LIMS2: variants seen among roughly 807,000 people sequenced by gnomAD.
The protein encoded by LIMS2 is LIM zinc finger domain containing 2, also known as LIM and senescent cell antigen-like-containing domain protein 2.
A neutral mutation model predicts 45.3 loss-of-function variants in LIMS2; 30 were observed. The ratio of observed to expected loss-of-function variants is 0.66; its 90% CI spans 0.50 to 0.90. The LOEUF (loss-of-function observed/expected upper bound fraction) is 0.90. Among genes scored for constraint, LIMS2 ranks in the 40% least tolerant of loss-of-function variants. LIMS2 has a pLI of 0.00. For synonymous variants in LIMS2, 173 were observed against 188.0 expected (o/e 0.92, Z 0.65); for missense variants, 485 against 468.7 (o/e 1.03, Z -0.32).
In LIMS2 at chr2:127,638,827, C is replaced by G; in HGVS notation, c.*454G>C. 5.7e-6 allele frequency: 1 copy of G among 175,754 alleles called. No individual in the cohort carries two copies. The highest frequency in any genetic ancestry group is 5.6e-5 in the Admixed American group (1 of 17,704). 10.9% of individuals were successfully genotyped at this position (175,754 alleles called of 1,614,324 possible). A position where few individuals can be genotyped will look rare whatever the true frequency, so the allele number is the denominator to read the frequency against. ...AGGCCTCCATCTGCATGGCCCTGGC[C>G]CTGTGGCTCCAGCAGGCTGCCCTGG... On this transcript the variant is annotated 3_prime_UTR_variant, in exon 10 of 10. Coordinates refer to ENST00000355119, the MANE Select transcript of LIMS2 (RefSeq NM_001161403.3).
chr2:127,664,434 G>T lies in LIMS2; in HGVS notation c.12-6872C>A, dbSNP rs1684885254. On this transcript the variant is annotated intron_variant, in intron 1 of 9. Coordinates refer to ENST00000355119, the MANE Select transcript of LIMS2 (RefSeq NM_001161403.3). The surrounding 1 kb of genome is among the most constrained non-coding windows in gnomAD (Gnocchi z 5.5). ...AGGTCGCGGGCGCGGGCCGCCTGGTGCAGGGGCTATGGGACCACCTCGGAG... is the reference window on the plus strand; with the variant it reads ...AGGTCGCGGGCGCGGGCCGCCTGGTTCAGGGGCTATGGGACCACCTCGGAG... The T allele has an allele frequency of 6.7e-6, 8 of 1,190,674 alleles. No individual in the cohort carries two copies. In the East Asian group the frequency reaches 2.9e-4, roughly 43 times the overall value. 73.8% of individuals were successfully genotyped at this position (1,190,674 alleles called of 1,614,324 possible). A position where few individuals can be genotyped will look rare whatever the true frequency, so the allele number is the denominator to read the frequency against.
At chr2:127,645,580 C>T (rs1216750238) in intron 4 of LIMS2, among the ~76,000 whole-genome samples, 1 of 152,212 alleles carries the variant, frequency 6.6e-6, no homozygotes, top group East Asian at 1.9e-4. Flanking sequence ...GACAGGACAG[C>T]GCCCCATTAT....
upstream of LIMS2, among the ~76,000 whole-genome samples, chr2:127,678,645 G>T (rs182366603): frequency 1.7e-4 from 26 of 152,304 alleles, no homozygotes; most frequent in Middle Eastern, 3.4e-3. The surrounding 1 kb of genome is among the most constrained non-coding windows in gnomAD (Gnocchi z 5.3). Context: ...TGGCCGGCGT[G>T]GGCGTGGTCA....
intron 1 of LIMS2, among the ~76,000 whole-genome samples, chr2:127,669,784 T>TA (rs879319733): frequency 3.3e-5 from 5 of 152,118 alleles, no homozygotes; most frequent in Non-Finnish European, 7.3e-5. Flanking sequence ...AAGGAACTCT[T>TA]ACAATTCAAC....
chr2:127,650,631 T>G, intron 4 of LIMS2: 1 of 935,988 alleles, frequency 1.1e-6, no homozygotes, highest in East Asian at 2.4e-5. Context: ...TCTGAAGGCA[T>G]TGGAGGCCTG....
Position 127,647,242 on chromosome 2 carries a change from G to A in LIMS2, c.360-4170C>T, listed in dbSNP as rs1000856810. On this transcript the variant is annotated intron_variant, in intron 4 of 9. Transcript: ENST00000355119. This position sits in a 1 kb window ranked among gnomAD's most constrained non-coding sequence, Gnocchi z 4.3. ...CCCTAAAATGAGGGAGTGGCCCCAG[G>A]GCCAGGAGGGGGTGCTGAGCCTGGG... Among the ~76,000 whole-genome samples the A allele has an allele frequency of 2.6e-5, 4 of 152,134 alleles. No homozygotes were observed. The highest frequency in any genetic ancestry group is 5.9e-5 in the Non-Finnish European group (4 of 68,006).
intron 6 of LIMS2, 124 bp downstream of exon 6, chr2:127,641,925 G>T: frequency 8.7e-7 from 1 of 1,155,988 alleles, no homozygotes; most frequent in Non-Finnish European, 1.2e-6. Context: ...CCTGAGGAAG[G>T]GCCTCGTTGG....
chr2:127,642,876 C>T lies in LIMS2; in HGVS notation c.509+47G>A. 1 of 1,539,902 alleles carries T rather than the reference C, an allele frequency of 6.5e-7. No homozygotes were observed. The highest frequency in any genetic ancestry group is 8.8e-7 in the Non-Finnish European group (1 of 1,140,070). ...CCCCACCGCCCTTACCCTGGGCCAG[C>T]CCTGGCTCCCCGCCCCCACAACTGC... On this transcript the variant is annotated intron_variant, in intron 5 of 9. Transcript: ENST00000355119. The surrounding 1 kb of genome is among the most constrained non-coding windows in gnomAD (Gnocchi z 5.3).
rs930805433 is a variant in LIMS2 at position 127,638,523 on chromosome 2, C to T, written c.*758G>A. 1.3e-5 allele frequency: 2 copies of T among 152,796 alleles called. No individual in the cohort carries two copies. Among genetic ancestry groups the T allele is most frequent in the East Asian group, 3.9e-4 (2 of 5,190 alleles). The allele number at this position is 152,796 out of a possible 1,614,324, so 9.5% of individuals were successfully genotyped here. ...GAAGCGTCCTCCCTGGAGGTGGGAACAAGTCACCTCTGACCACACCTCCTC... is the reference window on the plus strand; with the variant it reads ...GAAGCGTCCTCCCTGGAGGTGGGAATAAGTCACCTCTGACCACACCTCCTC... On this transcript the variant is annotated 3_prime_UTR_variant, in exon 10 of 10. Coordinates refer to ENST00000355119, the MANE Select transcript of LIMS2 (RefSeq NM_001161403.3).
chr2:127,662,629 TGGGGTGGGGGGTGGGGGGTGG>T (rs767456468), intron 1 of LIMS2, among the ~76,000 whole-genome samples: 5 of 42,510 alleles, frequency 1.2e-4, no homozygotes, highest in South Asian at 1.4e-3. Context: ...GAGGCTCTTG[TGGGGTGGGGGGTGGGGGGTGG>T]GGGGTGGGGG....
At position 127,640,106 on chromosome 2, in the gene LIMS2, A is replaced by C. The variant is rs1352763926; in HGVS notation, c.842T>G (p.Phe281Cys). ...ALNKAWCVSC[F>C]SCSTCNSKLT... The stretch of plus-strand genomic sequence containing the variant: ...CTTGCTGTTGCAGGTGGAGCAGGAG[A>C]AGCAGCTCACACACCAGGCCTTGTT... The change falls in exon 9 of 10, where the codon TTC becomes TGC. Residue 281 changes from phenylalanine to cysteine, a missense_variant. Transcript: ENST00000355119. 1.2e-6 allele frequency: 2 copies of C among 1,613,342 alleles called. No individual in the cohort carries two copies. Among genetic ancestry groups the C allele is most frequent in the Non-Finnish European group, 8.5e-7 (1 of 1,179,970 alleles).
In LIMS2 at chr2:127,667,750, G is replaced by GA. The variant is rs1186860996; in HGVS notation, c.11+7263dup. On this transcript the variant is annotated intron_variant, in intron 1 of 9. Transcript: ENST00000355119. This position sits in a 1 kb window ranked among gnomAD's most constrained non-coding sequence, Gnocchi z 4.1. ...TAGCTAACATCATACTTAGTGATGAGAAAATGAATGCTTTCCTCCTAAGGT... is the reference window on the plus strand; with the variant it reads ...TAGCTAACATCATACTTAGTGATGAGAAAAATGAATGCTTTCCTCCTAAGGT... 6.6e-6 allele frequency among the ~76,000 whole-genome samples: 1 copy of GA among 152,224 alleles called. No individual in the cohort carries two copies. Among genetic ancestry groups the GA allele is most frequent in the Admixed American group, 6.5e-5 (1 of 15,286 alleles).
intron 4 of LIMS2, among the ~76,000 whole-genome samples, chr2:127,652,830 C>T (rs1558885542): frequency 6.6e-6 from 1 of 152,234 alleles, no homozygotes; most frequent in African/African-American, 2.4e-5. Context: ...TAGGGGCCCT[C>T]ATTCCTCACT....
rs1289144784 is a variant in LIMS2, at chr2:127,671,922, T to G, written c.11+3092A>C. Among the ~76,000 whole-genome samples the G allele has an allele frequency of 6.6e-6, 1 of 152,238 alleles. No individual in the cohort carries two copies. The highest frequency in any genetic ancestry group is 1.5e-5 in the Non-Finnish European group (1 of 68,036). Reference sequence around the variant, plus strand: ...GGCTCTAGCTGCAGTCAGCTGCCCCTTGGCCGACACCTTCTGCCTAGGGGA... The same window carrying G: ...GGCTCTAGCTGCAGTCAGCTGCCCCGTGGCCGACACCTTCTGCCTAGGGGA... On this transcript the variant is annotated intron_variant, in intron 1 of 9. Transcript: ENST00000355119. The surrounding 1 kb of genome is among the most constrained non-coding windows in gnomAD (Gnocchi z 4.1).
intron 4 of LIMS2, among the ~76,000 whole-genome samples, chr2:127,648,990 A>AGGGGAGGGAGGGGAGGGG (rs1558877578): frequency 6.9e-5 from 1 of 14,474 alleles, no homozygotes; most frequent in African/African-American, 2.5e-4. Flanking sequence ...AGGGGAGGGG[A>AGGGGAGGGAGGGGAGGGG]GGGAGGGGAG....
chr2:127,669,870 G>T (rs576102426), intron 1 of LIMS2, among the ~76,000 whole-genome samples: 1 of 152,126 alleles, frequency 6.6e-6, no homozygotes, highest in Non-Finnish European at 1.5e-5. Flanking sequence ...TTTACAAGTG[G>T]CCAACAGATA....
chr2:127,664,420 G>A lies in LIMS2; in HGVS notation c.12-6858C>T, dbSNP rs1281173950. 3.4e-6 allele frequency: 4 copies of A among 1,193,404 alleles called. No homozygotes were observed. Among genetic ancestry groups the A allele is most frequent in the Non-Finnish European group, 4.2e-6 (4 of 963,278 alleles). 73.9% of individuals were successfully genotyped at this position (1,193,404 alleles called of 1,614,324 possible). A position where few individuals can be genotyped will look rare whatever the true frequency, so the allele number is the denominator to read the frequency against. On this transcript the variant is annotated intron_variant, in intron 1 of 9. Coordinates refer to ENST00000355119, the MANE Select transcript of LIMS2 (RefSeq NM_001161403.3). This position sits in a 1 kb window ranked among gnomAD's most constrained non-coding sequence, Gnocchi z 5.5. ...GGGCAGCCGCCTTGAGGTCGCGGGC[G>A]CGGGCCGCCTGGTGCAGGGGCTATG...
At position 127,664,445 on chromosome 2, in the gene LIMS2, G is replaced by A; in HGVS notation, c.12-6883C>T. 8.4e-7 allele frequency: 1 copy of A among 1,188,182 alleles called. No homozygotes were observed. Among genetic ancestry groups the A allele is most frequent in the African/African-American group, 1.6e-5 (1 of 62,726 alleles). The allele number at this position is 1,188,182 out of a possible 1,614,324, so 73.6% of individuals were successfully genotyped here. On this transcript the variant is annotated intron_variant, in intron 1 of 9. Transcript: ENST00000355119. This position sits in a 1 kb window ranked among gnomAD's most constrained non-coding sequence, Gnocchi z 5.5. ...GCGGGCCGCCTGGTGCAGGGGCTAT[G>A]GGACCACCTCGGAGGGGAGGCGCGG...
rs1684790530 is a variant in LIMS2, at chr2:127,663,178, C to A, written c.12-5616G>T. 3.9e-5 allele frequency among the ~76,000 whole-genome samples: 6 copies of A among 152,320 alleles called. No individual in the cohort carries two copies. In the South Asian group the frequency reaches 1.2e-3, roughly 32 times the overall value. On this transcript the variant is annotated intron_variant, in intron 1 of 9. Transcript: ENST00000355119. ...GCCTTGGGGCCATCAGTGCCCTGGCCACTCGCAGCCTGGTACCACAGTTAT... is the reference window on the plus strand; with the variant it reads ...GCCTTGGGGCCATCAGTGCCCTGGCAACTCGCAGCCTGGTACCACAGTTAT...
Sources: gnomAD v4.1 joint callset for allele counts (sites outside exome capture counted in the v4.1 genomes callset) on GRCh38, gnomAD v4.1.1 for gene constraint, Gnocchi (gnomAD v3.1) non-coding constraint, MANE v1.5 for transcripts, NCBI Gene and HGNC (gene_info 2026-07-23, HGNC 2026-07-21) for gene names.